The following PIGW variants were observed in gnomAD, a reference collection of about 807,000 sequenced individuals.
The protein encoded by PIGW is phosphatidylinositol glycan anchor biosynthesis class W, also known as glucosaminyl-phosphatidylinositol-acyltransferase PIGW.
Under a neutral mutation model 34.0 loss-of-function variants are expected in PIGW, and 23 were observed. The ratio of observed to expected loss-of-function variants is 0.68; its 90% CI spans 0.49 to 0.96. The LOEUF (loss-of-function observed/expected upper bound fraction) is 0.96. Among genes scored for constraint, PIGW ranks in the 40% least tolerant of loss-of-function variants. PIGW has a pLI of 0.00. For synonymous variants in PIGW, 225 were observed against 225.2 expected (o/e 1.00, Z 0.01); for missense variants, 574 against 586.3 (o/e 0.98, Z 0.22).
rs1022457955 is a variant in PIGW at position 36,539,132 on chromosome 17, G to A, written c.*516G>A. 6.0e-6 allele frequency: 1 copy of A among 167,134 alleles called. No individual in the cohort carries two copies. The highest frequency in any genetic ancestry group is 2.4e-5 in the African/African-American group (1 of 41,440). The allele number at this position is 167,134 out of a possible 1,614,324, so 10.4% of individuals were successfully genotyped here. ...CTTTTGACTTGTTAGAATGTATTAA[G>A]TAGTATTTTAAAGAAACTTTATAGT... On this transcript the variant is annotated 3_prime_UTR_variant, in exon 2 of 2. Transcript: ENST00000614443.
chr17:36,536,839 T>A (rs1400323776), intron 1 of PIGW, among the ~76,000 whole-genome samples: 1 of 152,246 alleles, frequency 6.6e-6, no homozygotes, highest in Non-Finnish European at 1.5e-5. Flanking sequence ...TTTGTGAGTC[T>A]GTCTTGTACA....
At chr17:36,536,302 T>G (rs192877538) in intron 1 of PIGW, among the ~76,000 whole-genome samples, 229 of 152,270 alleles carry the variant, frequency 1.5e-3, no homozygotes, top group Non-Finnish European at 2.6e-3. Context: ...GCAGTAGGTT[T>G]GGAGAGGCTC....
chr17:36,535,971 A>C (rs1276652853), intron 1 of PIGW, among the ~76,000 whole-genome samples: 2 of 152,196 alleles, frequency 1.3e-5, no homozygotes, highest in Non-Finnish European at 2.9e-5. Context: ...ATATTGTCAC[A>C]GGTTCCAGAC....
rs1371886941 is a variant in PIGW, at chr17:36,535,573, G to C, written c.-28G>C. On this transcript the variant is annotated 5_prime_UTR_variant, in exon 1 of 2. Coordinates refer to ENST00000614443, the MANE Select transcript of PIGW (RefSeq NM_001346754.2). ...CCTTCCCACGTAGACCGTCTGCTGG[G>C]GGCGCCGGCACCATTTGGAGTACGT... The C allele has an allele frequency of 1.3e-5, 2 of 152,288 alleles. No individual in the cohort carries two copies. The highest frequency in any genetic ancestry group is 2.9e-5 in the Non-Finnish European group (2 of 68,064). 9.4% of individuals were successfully genotyped at this position (152,288 alleles called of 1,614,324 possible).
At position 36,537,872 on chromosome 17, in the gene PIGW, C is replaced by T; in HGVS notation, c.771C>T (p.Pro257=). The change falls in exon 2 of 2, where the codon CCC becomes CCT. Residue 257 remains proline, a synonymous_variant. Transcript: ENST00000614443. ...CACCACTGCTGTTGATTATTTTTCC[C>T]CTAAATAAGTCCTGGATTATTGCCC... The part of the protein sequence containing the change: ...LITPLLLIIF[P]LNKSWIIALG... The T allele has an allele frequency of 6.2e-7, 1 of 1,614,014 alleles. No homozygotes were observed.
intron 1 of PIGW, 74 bp downstream of exon 1, chr17:36,535,666 TA>T (rs1474979940): frequency 2.0e-5 from 3 of 152,298 alleles, no homozygotes; most frequent in Non-Finnish European, 4.4e-5. Flanking sequence ...TTTTTATGTT[TA>T]TTTTTTAAGA....
In PIGW at chr17:36,538,234, T is replaced by A; in HGVS notation, c.1133T>A (p.Val378Asp). ...MANLAFCIWI[V>D]ASSLILLSSL... ...AATTTAGCCTTTTGTATTTGGATAGTTGCTTCTAGCCTGATCCTTCTTAGT... is the reference window on the plus strand; with the variant it reads ...AATTTAGCCTTTTGTATTTGGATAGATGCTTCTAGCCTGATCCTTCTTAGT... The change falls in exon 2 of 2, where the codon GTT (valine) becomes GAT (aspartate). Residue 378 changes from valine (V) to aspartate (D), a missense_variant. Transcript: ENST00000614443. 2 of 1,613,218 alleles carry A rather than the reference T, an allele frequency of 1.2e-6. No homozygotes were observed. The highest frequency in any genetic ancestry group is 1.7e-6 in the Non-Finnish European group (2 of 1,180,032).
Position 36,538,271 on chromosome 17 carries a change from G to A in PIGW, c.1170G>A (p.Leu390=). ...TGATCCTTCTTAGTAGTTTATTACTGGGTGATATAATTTTGAGTTTTGCCA... is the reference window on the plus strand; with the variant it reads ...TGATCCTTCTTAGTAGTTTATTACTAGGTGATATAATTTTGAGTTTTGCCA... ...SSLILLSSLL[L]GDIILSFAKF... The change falls in exon 2 of 2, where the codon CTG becomes CTA. Residue 390 remains leucine (L), a synonymous_variant. Transcript: ENST00000614443. 1 of 1,613,252 alleles carries A rather than the reference G, an allele frequency of 6.2e-7. No individual in the cohort carries two copies. Among genetic ancestry groups the A allele is most frequent in the African/African-American group, 1.3e-5 (1 of 74,992 alleles).
Position 36,538,547 on chromosome 17 carries a change from C to T in PIGW, c.1446C>T (p.Leu482=). The T allele has an allele frequency of 6.2e-7, 1 of 1,613,736 alleles. No individual in the cohort carries two copies. Among genetic ancestry groups the T allele is most frequent in the East Asian group, 2.2e-5 (1 of 44,876 alleles). Residue 482 remains leucine (L), a synonymous_variant, in exon 2 of 2, where the codon CTC becomes CTT. Coordinates refer to ENST00000614443, the MANE Select transcript of PIGW (RefSeq NM_001346754.2). The stretch of plus-strand genomic sequence containing the variant: ...TGTGGGCCTTATTTGTGGTCAATCT[C>T]TATATGTTTTCCAACTGTTTAATTG... ...STLWALFVVN[L]YMFSNCLIVY... is the part of the protein sequence containing the mutation.
Position 36,537,586 on chromosome 17 carries a change from A to G in PIGW, c.485A>G (p.Tyr162Cys), listed in dbSNP as rs757111382. Residue 162 changes from tyrosine to cysteine, a missense_variant, in exon 2 of 2, where the codon TAT becomes TGT. By Grantham distance (194) the Tyr-to-Cys change is radical. Coordinates refer to ENST00000614443, the MANE Select transcript of PIGW (RefSeq NM_001346754.2). ...FPRRFAKTEL[Y>C]GTGAMDFGVG... is the part of the protein sequence containing the mutation. ...AGAAGATTTGCCAAAACTGAGCTCTATGGGACAGGAGCAATGGATTTTGGA... is the reference window on the plus strand; with the variant it reads ...AGAAGATTTGCCAAAACTGAGCTCTGTGGGACAGGAGCAATGGATTTTGGA... 1.5e-5 allele frequency: 24 copies of G among 1,614,098 alleles called. No homozygotes were observed. Among genetic ancestry groups the G allele is most frequent in the Non-Finnish European group, 2.0e-5 (24 of 1,180,026 alleles).
Position 36,538,684 on chromosome 17 carries a change from G to A in PIGW, c.*68G>A, listed in dbSNP as rs2074177647. On this transcript the variant is annotated 3_prime_UTR_variant, in exon 2 of 2. Coordinates refer to ENST00000614443, the MANE Select transcript of PIGW (RefSeq NM_001346754.2). ...GAGGAATATTAATTGTAAAGAAATT[G>A]TGCTTTTGGCAACAGTGTTAACCAT... 3 of 1,325,128 alleles carry A rather than the reference G, an allele frequency of 2.3e-6. No individual in the cohort carries two copies. The highest frequency in any genetic ancestry group is 1.5e-5 in the African/African-American group (1 of 67,568). 82.1% of individuals were successfully genotyped at this position (1,325,128 alleles called of 1,614,324 possible).
In PIGW at chr17:36,538,626, G is replaced by A. The variant is rs2074176741; in HGVS notation, c.*10G>A. The A allele has an allele frequency of 3.2e-6, 5 of 1,554,024 alleles. No homozygotes were observed. The highest frequency in any genetic ancestry group is 4.4e-6 in the Non-Finnish European group (5 of 1,140,536). On this transcript the variant is annotated 3_prime_UTR_variant, in exon 2 of 2. Transcript: ENST00000614443. Reference sequence around the variant, plus strand: ...TGTACAATTTTGGTGATCAGCAGGAGTAGGATATATAAGTATTTGGGCAAT... The same window carrying A: ...TGTACAATTTTGGTGATCAGCAGGAATAGGATATATAAGTATTTGGGCAAT...
Position 36,537,253 on chromosome 17 carries a change from C to T in PIGW, c.152C>T (p.Pro51Leu), listed in dbSNP as rs112443711. The T allele has an allele frequency of 1.7e-5, 27 of 1,613,972 alleles. No homozygotes were observed. The African/African-American group carries it at 1.7e-4, about 10-fold the overall frequency. ...TCACAGTACTTGTGTTCTTTTTCAC[C>T]TACCTGGAAAACTAGATTCCTCACT... is the stretch of plus-strand genomic sequence containing the variant. ...IFSQYLCSFSPTWKTRFLTDF... is the reference protein window; with the variant it reads ...IFSQYLCSFSLTWKTRFLTDF... Residue 51 changes from proline (P) to leucine (L), a missense_variant, in exon 2 of 2, where the codon CCT (proline) becomes CTT (leucine). Transcript: ENST00000614443.
rs576112477 is a variant in PIGW, at chr17:36,537,369, G to C, written c.268G>C (p.Gly90Arg). 3.7e-6 allele frequency: 6 copies of C among 1,613,662 alleles called. No homozygotes were observed. The South Asian group carries it at 6.6e-5, about 18-fold the overall frequency. ...LLELLGVIIF[G>R]AGLLYQIYRR... ...TGAGCTTCTCGGTGTAATTATCTTT[G>C]GGGCAGGGCTGTTGTATCAAATATA... Residue 90 changes from glycine (G) to arginine (R), a missense_variant, in exon 2 of 2, where the codon GGG becomes CGG. Coordinates refer to ENST00000614443, the MANE Select transcript of PIGW (RefSeq NM_001346754.2).
chr17:36,535,007 A>T lies in PIGW; in HGVS notation c.-594A>T, dbSNP rs1258206075. 1 of 152,364 alleles carries T rather than the reference A, an allele frequency of 6.6e-6. No homozygotes were observed. The highest frequency in any genetic ancestry group is 2.1e-4 in the South Asian group (1 of 4,834). 9.4% of individuals were successfully genotyped at this position (152,364 alleles called of 1,614,324 possible). A position where few individuals can be genotyped will look rare whatever the true frequency, so the allele number is the denominator to read the frequency against. On this transcript the variant is annotated 5_prime_UTR_variant, in exon 1 of 2. Transcript: ENST00000614443. ...CGAGCACTCGCGGCGCGGGGCGCGC[A>T]CGTGGCTTGGCCGGGACGCCTGGTC...
chr17:36,538,042 C>A lies in PIGW; in HGVS notation c.941C>A (p.Ala314Glu), dbSNP rs950712056. The A allele has an allele frequency of 1.9e-6, 3 of 1,613,960 alleles. No individual in the cohort carries two copies. In the African/African-American group the frequency reaches 4.0e-5, roughly 22 times the overall value. ...ATAATCTCTACCCTGGGGTATGTGG[C>A]AATACACATGGCTGGTGTGCAAACA... ...EGIISTLGYV[A>E]IHMAGVQTGL... Residue 314 changes from alanine to glutamate, a missense_variant, in exon 2 of 2, where the codon GCA becomes GAA. Coordinates refer to ENST00000614443, the MANE Select transcript of PIGW (RefSeq NM_001346754.2).
At position 36,538,578 on chromosome 17, in the gene PIGW, G is replaced by A. The variant is rs779671420; in HGVS notation, c.1477G>A (p.Val493Ile). 4 of 1,612,866 alleles carry A rather than the reference G, an allele frequency of 2.5e-6. No homozygotes were observed. The highest frequency in any genetic ancestry group is 2.2e-5 in the South Asian group (2 of 90,922). ...GTTTTCCAACTGTTTAATTGTATAT[G>A]TACTATATTTGCAAGATAAGACTGT... is the stretch of plus-strand genomic sequence containing the variant. ...YMFSNCLIVY[V>I]LYLQDKTVQF... Residue 493 changes from valine (V) to isoleucine (I), a missense_variant, in exon 2 of 2, where the codon GTA becomes ATA. Coordinates refer to ENST00000614443, the MANE Select transcript of PIGW (RefSeq NM_001346754.2).
rs759393418 is a variant in PIGW at position 36,537,808 on chromosome 17, G to A, written c.707G>A (p.Trp236Ter). The A allele has an allele frequency of 6.2e-7, 1 of 1,614,062 alleles. No individual in the cohort carries two copies. Among genetic ancestry groups the A allele is most frequent in the Non-Finnish European group, 8.5e-7 (1 of 1,179,994 alleles). Residue 236 changes from tryptophan to a stop codon, truncating the protein, a stop_gained, in exon 2 of 2, where the codon TGG (tryptophan) becomes TAG (stop). Coordinates refer to ENST00000614443, the MANE Select transcript of PIGW (RefSeq NM_001346754.2). LOFTEE classifies it high-confidence loss of function. Reference sequence around the variant, plus strand: ...CATTTAACAGAGTATGGAGTTCACTGGAACTTTTTCTTTACCATAATAGTT... The same window carrying A: ...CATTTAACAGAGTATGGAGTTCACTAGAACTTTTTCTTTACCATAATAGTT... ...QEHLTEYGVHWNFFFTIIVVK... is the reference protein window; with the variant it reads ...QEHLTEYGVH
At chr17:36,536,615 A>G (rs887530182) in intron 1 of PIGW, among the ~76,000 whole-genome samples, 1 of 148,122 alleles carries the variant, frequency 6.8e-6, no homozygotes, top group African/African-American at 2.5e-5. Flanking sequence ...CCCCGGTTCA[A>G]CCGATTCTCC....
Sources: gnomAD v4.1 joint callset for allele counts (sites outside exome capture counted in the v4.1 genomes callset) on GRCh38, gnomAD v4.1.1 for gene constraint, MANE v1.5 for transcripts, NCBI Gene and HGNC (gene_info 2026-07-23, HGNC 2026-07-21) for gene names.